The following PCDH15 variants were observed in gnomAD, a reference collection of about 807,000 sequenced individuals.
PCDH15 encodes protocadherin related 15.
PCDH15 carries 129 observed loss-of-function variants against 178.5 expected under a neutral mutation model. That is an observed-to-expected ratio of 0.72 (90% CI 0.63 to 0.84). PCDH15 has a LOEUF of 0.84. Among genes scored for constraint, PCDH15 ranks in the 40% least tolerant of loss-of-function variants. PCDH15 has a pLI of 0.00. For synonymous variants in PCDH15, 800 were observed against 732.0 expected, an observed-to-expected ratio of 1.09 and a Z score of -1.50; for missense variants, 2,230 against 2,099.9, an observed-to-expected ratio of 1.06 and a Z score of -1.21.
At position 54,305,274 on chromosome 10, in the gene PCDH15, A is replaced by G. The variant is rs764850975; in HGVS notation, c.876+11997T>C. 1.6e-3 allele frequency among the ~76,000 whole-genome samples: 237 copies of G among 152,184 alleles called. 1 individual carries two copies. The highest frequency in any genetic ancestry group is 3.4e-3 in the African/African-American group (142 of 41,564). Reference sequence around the variant, plus strand: ...ATGTAACATAAATTTAGTTTTGCTAACGAATACATCAGAGAGAAATATATC... The same window carrying G: ...ATGTAACATAAATTTAGTTTTGCTAGCGAATACATCAGAGAGAAATATATC... On this transcript the variant is annotated intron_variant, in intron 8 of 37. Coordinates refer to ENST00000644397, the MANE Select transcript of PCDH15 (RefSeq NM_001384140.1).
exon 2 of PCDH15, chr10:55,166,647 T>C (rs924221268): frequency 6.6e-6 from 1 of 152,192 alleles, no homozygotes; most frequent in Non-Finnish European, 1.5e-5. Context: ...GATGTTTCCA[T>C]TTTCCTGTAG....
At chr10:55,067,920 C>T (rs1227913013) in intron 2 of PCDH15, among the ~76,000 whole-genome samples, 1 of 151,938 alleles carries the variant, frequency 6.6e-6, no homozygotes, top group African/African-American at 2.4e-5. Context: ...TGTCCTTTGC[C>T]AATTTTTAAT....
chr10:54,880,237 T>A (rs1285736828), intron 3 of PCDH15, among the ~76,000 whole-genome samples: 1 of 152,170 alleles, frequency 6.6e-6, no homozygotes, highest in East Asian at 1.9e-4. Flanking sequence ...AACTTGCTAA[T>A]CAAAACTCCT....
chr10:54,070,148 A>G (rs1377552823), intron 17 of PCDH15, among the ~76,000 whole-genome samples: 1 of 152,170 alleles, frequency 6.6e-6, no homozygotes, highest in Admixed American at 6.5e-5. Flanking sequence ...GTAATATCAT[A>G]GAAGAATTTT....
chr10:55,133,163 C>T (rs1256213977), intron 2 of PCDH15, among the ~76,000 whole-genome samples: 3 of 152,076 alleles, frequency 2.0e-5, no homozygotes, highest in Non-Finnish European at 4.4e-5. Flanking sequence ...TCATCAATAA[C>T]AGTTATTAAA....
intron 2 of PCDH15, among the ~76,000 whole-genome samples, chr10:55,519,960 G>C (rs186688638): frequency 2.0e-5 from 3 of 149,478 alleles, no homozygotes; most frequent in Admixed American, 1.3e-4. Context: ...TCAGTAACGC[G>C]GGATAAATGT....
At chr10:55,383,161 G>A (rs945916678) in intron 2 of PCDH15, among the ~76,000 whole-genome samples, 2 of 152,110 alleles carry the variant, frequency 1.3e-5, no homozygotes. Flanking sequence ...GGATGGTATG[G>A]GAAGAAGGGG....
intron 13 of PCDH15, among the ~76,000 whole-genome samples, chr10:54,182,422 C>A (rs1395290622): frequency 6.6e-6 from 1 of 151,630 alleles, no homozygotes; most frequent in Non-Finnish European, 1.5e-5. Context: ...CCTGAGTTTT[C>A]CATTTGGAGT....
At chr10:54,975,213 G>A (rs1043635364) in intron 2 of PCDH15, among the ~76,000 whole-genome samples, 4 of 152,088 alleles carry the variant, frequency 2.6e-5, no homozygotes, top group Non-Finnish European at 4.4e-5. Context: ...TTAGATTTTC[G>A]AAGATATTAA....
At chr10:54,863,507 G>A (rs761581474) in intron 3 of PCDH15, among the ~76,000 whole-genome samples, 17 of 152,100 alleles carry the variant, frequency 1.1e-4, no homozygotes, top group South Asian at 2.1e-4. Flanking sequence ...GTGCCACTGC[G>A]CTCCAGCCTG....
intron 16 of PCDH15, among the ~76,000 whole-genome samples, chr10:54,080,502 A>C (rs1268936683): frequency 6.6e-6 from 1 of 152,188 alleles, no homozygotes; most frequent in Non-Finnish European, 1.5e-5. Flanking sequence ...ATATGTACCA[A>C]GTCCAAAACA....
At chr10:54,233,471 A>T (rs2054287896) in intron 9 of PCDH15, among the ~76,000 whole-genome samples, 1 of 152,176 alleles carries the variant, frequency 6.6e-6, no homozygotes, top group South Asian at 2.1e-4. Context: ...TTCTAATTGC[A>T]TTCCATTTTT....
In PCDH15 at chr10:54,307,388, C is replaced by T. The variant is rs529174824; in HGVS notation, c.876+9883G>A. 1.5e-4 allele frequency among the ~76,000 whole-genome samples: 22 copies of T among 151,118 alleles called. No individual in the cohort carries two copies. The East Asian group carries it at 3.0e-3, about 20-fold the overall frequency. On this transcript the variant is annotated intron_variant, in intron 8 of 37. Coordinates refer to ENST00000644397, the MANE Select transcript of PCDH15 (RefSeq NM_001384140.1). ...CAGCACAATTGCCAAATTTATAGGG[C>T]GAAGAAGTCCTATGTTTACCTAGAG...
chr10:54,183,539 C>G lies in PCDH15; in HGVS notation c.1495G>C (p.Val499Leu), dbSNP rs2048205727. The G allele has an allele frequency of 6.2e-7, 1 of 1,614,018 alleles. No individual in the cohort carries two copies. Among genetic ancestry groups the G allele is most frequent in the Non-Finnish European group, 8.5e-7 (1 of 1,179,954 alleles). ...GGCGTGTTATCATTTGCATCCATCA[C>G]TTGAATATTGACGATGACTGGCTCA... Reference protein sequence around the residue: ...ESEPVIVNIQVMDANDNTPTF... With the variant: ...ESEPVIVNIQLMDANDNTPTF... Residue 499 changes from valine to leucine, a missense_variant, in exon 13 of 38, where the codon GTG becomes CTG. Transcript: ENST00000644397.
intron 2 of PCDH15, among the ~76,000 whole-genome samples, chr10:55,622,316 A>C (rs2132172707): frequency 6.6e-6 from 1 of 151,246 alleles, no homozygotes; most frequent in Admixed American, 6.6e-5. Flanking sequence ...GCCCACAGTT[A>C]AATATCTTAA....
intron 3 of PCDH15, among the ~76,000 whole-genome samples, chr10:54,836,805 A>G (rs1395512979): frequency 6.6e-6 from 1 of 152,140 alleles, no homozygotes; most frequent in Non-Finnish European, 1.5e-5. Flanking sequence ...AAATAGAATG[A>G]CAAGCTGAAA....
At chr10:54,693,072 CCT>C (rs750664920) in intron 1 of PCDH15, among the ~76,000 whole-genome samples, 13 of 151,818 alleles carry the variant, frequency 8.6e-5, no homozygotes, top group Non-Finnish European at 1.6e-4. Flanking sequence ...GTATTGTTCC[CCT>C]CTCTCTGTCT....
At chr10:54,663,969 C>A in intron 2 of PCDH15, among the ~76,000 whole-genome samples, 1 of 151,942 alleles carries the variant, frequency 6.6e-6, no homozygotes, top group East Asian at 1.9e-4. Flanking sequence ...ATTCCTTCTA[C>A]CATGCTGCAA....
At chr10:54,399,062 G>A (rs111535063) in intron 3 of PCDH15, among the ~76,000 whole-genome samples, 4,001 of 152,090 alleles carry the variant, frequency 0.026, 167 homozygotes, top group African/African-American at 0.089. Context: ...GCATATATGT[G>A]TTCCTTTCTG....
Sources: allele counts gnomAD v4.1 joint callset (sites outside exome capture counted in the v4.1 genomes callset), GRCh38; gene constraint gnomAD v4.1.1; transcripts MANE v1.5; gene names NCBI Gene and HGNC (gene_info 2026-07-23, HGNC 2026-07-21).